Variants in FAT1 observed in about 807,000 individuals in gnomAD.
The protein encoded by FAT1 is protocadherin Fat 1.
In FAT1, 171 loss-of-function variants were observed where a neutral mutation model predicts 329.8. The ratio of observed to expected loss-of-function variants is 0.52; its 90% CI spans 0.46 to 0.59. The LOEUF (loss-of-function observed/expected upper bound fraction) is 0.59. FAT1 is among the 20% of genes least tolerant of loss of function. The probability of loss-of-function intolerance (pLI) is 0.00; values close to 1 mark genes in which losing one functional copy is unlikely to be tolerated. For missense variants in FAT1, 5,672 were observed against 5,774.4 expected, an observed-to-expected ratio of 0.98 and a Z score of 0.57; for synonymous variants, 2,233 against 2,228.6, an observed-to-expected ratio of 1.00 and a Z score of -0.06.
intron 3 of FAT1, among the ~76,000 whole-genome samples, chr4:186,644,673 T>TATA (rs59341735): frequency 0.39 from 59,929 of 151,946 alleles, 11,868 homozygotes; most frequent in Middle Eastern, 0.47. Flanking sequence ...TCAGATCAGC[T>TATA]ATGTTTCAAT....
chr4:186,645,223 G>A (rs1313224875), intron 3 of FAT1, among the ~76,000 whole-genome samples: 3 of 151,476 alleles, frequency 2.0e-5, no homozygotes, highest in South Asian at 4.2e-4. Context: ...AGAAGCACCC[G>A]GCAGAACCCT....
Position 186,611,366 on chromosome 4 carries a change from T to A in FAT1, c.9853+20A>T, listed in dbSNP as rs1326815103. 3 of 1,579,198 alleles carry A rather than the reference T, an allele frequency of 1.9e-6. No individual in the cohort carries two copies. Among genetic ancestry groups the A allele is most frequent in the Admixed American group, 3.6e-5 (2 of 56,114 alleles). ...TCTTGGTGGAATGAAGGGTTTCCTC[T>A]CAGATACATGGTAGGTTACCTGTTT... On this transcript the variant is annotated intron_variant, in intron 14 of 26. Transcript: ENST00000441802.
At position 186,704,350 on chromosome 4, in the gene FAT1, A is replaced by AT. The variant is rs984851537; in HGVS notation, c.3265+2212dup. On this transcript the variant is annotated intron_variant, in intron 2 of 26. Transcript: ENST00000441802. ...ACCTCGTTTGGCTGGTTGTTTCCTT[A>AT]TTTTTTTTTTCTTGGTAGTAAAAAT... Among the ~76,000 whole-genome samples the AT allele has an allele frequency of 1.8e-4, 27 of 149,604 alleles. No homozygotes were observed. The East Asian group carries it at 3.9e-3, about 22-fold the overall frequency.
chr4:186,713,128 C>T (rs1447097442), intron 1 of FAT1, among the ~76,000 whole-genome samples: 1 of 148,100 alleles, frequency 6.8e-6, no homozygotes, highest in Non-Finnish European at 1.5e-5. Flanking sequence ...TCATCAACTA[C>T]AGTCCATACT....
At position 186,621,370 on chromosome 4, in the gene FAT1, C is replaced by T. The variant is rs1301243382; in HGVS notation, c.5216G>A (p.Gly1739Glu). ...TLPIYTLIIQ[G>E]TNMAGLSTNT... ...AGTGGACAAACCAGCCATGTTAGTT[C>T]CTTGTATTATCAATGTGTAAATGGG... The change falls in exon 10 of 27, where the codon GGA (glycine) becomes GAA (glutamate). Residue 1739 changes from glycine (G) to glutamate (E), a missense_variant. Physicochemically the swap from Gly to Glu is moderately conservative, Grantham distance 98. Around this residue, in one of 2 missense-constraint regions of FAT1, gnomAD observed 3,966 missense variants for 3,915.2 expected, o/e 1.01. Transcript: ENST00000441802. 1.9e-6 allele frequency: 3 copies of T among 1,613,846 alleles called. No homozygotes were observed.
intron 2 of FAT1, among the ~76,000 whole-genome samples, chr4:186,676,056 C>T (rs1205636101): frequency 1.3e-5 from 2 of 151,824 alleles, no homozygotes; most frequent in Non-Finnish European, 2.9e-5. Context: ...GTAACTTATT[C>T]CTTGGACCAG....
At position 186,686,599 on chromosome 4, in the gene FAT1, C is replaced by T. The variant is rs192690875; in HGVS notation, c.3265+19964G>A. ...CAACTTTAAACTGGTTTGCTTAGCGCTGTTTTTTTTAAGCTGTTCTTTTCC... is the reference window on the plus strand; with the variant it reads ...CAACTTTAAACTGGTTTGCTTAGCGTTGTTTTTTTTAAGCTGTTCTTTTCC... On this transcript the variant is annotated intron_variant, in intron 2 of 26. Transcript: ENST00000441802. 6.6e-4 allele frequency among the ~76,000 whole-genome samples: 100 copies of T among 152,258 alleles called. 2 individuals are homozygous for T. In the East Asian group the frequency reaches 0.016, roughly 24 times the overall value.
chr4:186,660,982 A>G (rs1742141484), intron 3 of FAT1, among the ~76,000 whole-genome samples: 2 of 152,184 alleles, frequency 1.3e-5, no homozygotes, highest in South Asian at 4.1e-4. Flanking sequence ...ATCTCTTCAC[A>G]GAGGACTTAC....
Position 186,675,782 on chromosome 4 carries a change from AACACACACACACACACACACAC to A in FAT1, c.3266-12191_3266-12170del, listed in dbSNP as rs66981811. 9.8e-5 allele frequency among the ~76,000 whole-genome samples: 14 copies of A among 143,200 alleles called. No homozygotes were observed. The East Asian group carries it at 1.5e-3, about 15-fold the overall frequency. 93.9% of individuals were successfully genotyped at this position (143,200 alleles called of 152,430 possible). ...CACACATACACACGACCCTGTCTAA[AACACACACACACACACACACAC>A]ACACACACACACACACACACAATTA... On this transcript the variant is annotated intron_variant, in intron 2 of 26. Coordinates refer to ENST00000441802, the MANE Select transcript of FAT1 (RefSeq NM_005245.4).
intron 2 of FAT1, among the ~76,000 whole-genome samples, chr4:186,665,688 T>C (rs944553958): frequency 2.6e-5 from 4 of 152,164 alleles, no homozygotes; most frequent in Admixed American, 2.0e-4. Flanking sequence ...AGAAGCTCTT[T>C]AGTTTAATTA....
intron 2 of FAT1, among the ~76,000 whole-genome samples, chr4:186,677,626 A>G (rs2126640342): frequency 6.6e-6 from 1 of 152,312 alleles, no homozygotes; most frequent in African/African-American, 2.4e-5. Flanking sequence ...TCAAAACTCA[A>G]CAAACCTCCT....
At chr4:186,658,642 G>A (rs956396042) in intron 3 of FAT1, among the ~76,000 whole-genome samples, 4 of 152,056 alleles carry the variant, frequency 2.6e-5, no homozygotes, top group Admixed American at 1.3e-4. Flanking sequence ...GAGGGTAGCC[G>A]TCTCCCATAC....
At chr4:186,606,623 C>T (rs370056819) in intron 16 of FAT1, among the ~76,000 whole-genome samples, 27 of 152,294 alleles carry the variant, frequency 1.8e-4, no homozygotes, top group African/African-American at 6.3e-4. Context: ...AGTAGACAGA[C>T]ATGAGCTGCC....
In FAT1 at chr4:186,628,667, C is replaced by T. The variant is rs2126544917; in HGVS notation, c.4420G>A (p.Glu1474Lys). The T allele has an allele frequency of 6.2e-7, 1 of 1,614,018 alleles. No individual in the cohort carries two copies. ...VIPEDTAPET[E>K]ILQISAVDQD... ...TCCACAGCACTGATTTGCAAAATTT[C>T]TGTTTCTGGCGCTGTATCTTCAGGA... The change falls in exon 8 of 27, where the codon GAA (glutamate) becomes AAA (lysine). Residue 1474 changes from glutamate to lysine, a missense_variant. By Grantham distance (56) the Glu-to-Lys change is moderately conservative. This residue lies in a region of FAT1 where 3,966 missense variants were observed against 3,915.2 expected (regional missense o/e 1.01). Transcript: ENST00000441802.
chr4:186,651,545 T>C (rs1220462223), intron 3 of FAT1, among the ~76,000 whole-genome samples: 2 of 152,040 alleles, frequency 1.3e-5, no homozygotes, highest in African/African-American at 2.4e-5. Context: ...GGTTCTGTGG[T>C]GGATACAATA....
rs1056530207 is a variant in FAT1, at chr4:186,619,755, A to G, written c.6831T>C (p.Asn2277=). The G allele has an allele frequency of 5.0e-6, 8 of 1,614,020 alleles. No individual in the cohort carries two copies. The highest frequency in any genetic ancestry group is 1.7e-5 in the Admixed American group (1 of 60,030). ...GCTGAGCAAACACAGGAGGGTTATC[A>G]TTGATGTCGTCTACTATGATGTCCA... ...VFVDIIVDDI[N]DNPPVFAQQS... The change falls in exon 10 of 27, where the codon AAT becomes AAC. Residue 2277 remains asparagine (N), a synonymous_variant. Transcript: ENST00000441802.
rs77370153 is a variant in FAT1, at chr4:186,621,786, A to G, written c.4811-11T>C. 60,346 of 1,512,394 alleles carry G rather than the reference A, an allele frequency of 0.04. 2,452 individuals are homozygous for G. The highest frequency in any genetic ancestry group is 0.18 in the East Asian group (8,031 of 43,474). The allele number at this position is 1,512,394 out of a possible 1,614,324, so 93.7% of individuals were successfully genotyped here. A position where few individuals can be genotyped will look rare whatever the true frequency, so the allele number is the denominator to read the frequency against. Reference sequence around the variant, plus strand: ...AATTTCCAATATTTCCTGGAAGGAGAGGAAAAAATACATGTTACAGAAAAA... The same window carrying G: ...AATTTCCAATATTTCCTGGAAGGAGGGGAAAAAATACATGTTACAGAAAAA... On this transcript the variant is annotated splice_polypyrimidine_tract_variant and intron_variant, in intron 9 of 26. Coordinates refer to ENST00000441802, the MANE Select transcript of FAT1 (RefSeq NM_005245.4).
rs1341210296 is a variant in FAT1, at chr4:186,663,933, A to AAT, written c.3266-322_3266-321dup. Among the ~76,000 whole-genome samples, 8 of 152,190 alleles carry AAT rather than the reference A, an allele frequency of 5.3e-5. No individual in the cohort carries two copies. In the South Asian group the frequency reaches 8.3e-4, roughly 16 times the overall value. On this transcript the variant is annotated intron_variant, in intron 2 of 26. Coordinates refer to ENST00000441802, the MANE Select transcript of FAT1 (RefSeq NM_005245.4). ...AAATATTATCTCACTGAAGTCTCAA[A>AAT]ATAGGTGAGCACTAAGAGATCATCT... is the stretch of plus-strand genomic sequence containing the variant.
At chr4:186,661,350 G>A (rs761087035) in intron 3 of FAT1, among the ~76,000 whole-genome samples, 7 of 152,330 alleles carry the variant, frequency 4.6e-5, no homozygotes, top group Non-Finnish European at 8.8e-5. Context: ...TCCTGGAGGC[G>A]GAAACGCTGC....
Sources: allele counts gnomAD v4.1 joint callset (sites outside exome capture counted in the v4.1 genomes callset), GRCh38; gene constraint gnomAD v4.1.1; regional missense constraint gnomAD v4.1.1; transcripts MANE v1.5; gene names NCBI Gene and HGNC (gene_info 2026-07-23, HGNC 2026-07-21).